The following DACH1 variants were observed in gnomAD, a reference collection of about 807,000 sequenced individuals.
The protein encoded by DACH1 is dachshund homolog 1.
Under a neutral mutation model 54.2 loss-of-function variants are expected in DACH1, and 12 were observed. The ratio of observed to expected loss-of-function variants is 0.22; its 90% CI spans 0.14 to 0.36. DACH1 has a LOEUF of 0.36. Ranked by LOEUF, DACH1 falls within the 10% of genes least tolerant of loss-of-function variation. DACH1 has a pLI of 1.00. For synonymous variants in DACH1, 386 were observed against 366.2 expected (o/e 1.05, Z -0.62); for missense variants, 805 against 929.8 (o/e 0.87, Z 1.75).
At chr13:71,519,180 A>C (rs1046358951) in intron 6 of DACH1, among the ~76,000 whole-genome samples, 2 of 151,908 alleles carry the variant, frequency 1.3e-5, no homozygotes, top group Non-Finnish European at 2.9e-5. Context: ...TAATCATTCT[A>C]AATAGTCTAG....
chr13:71,704,312 C>T (rs541293196), intron 1 of DACH1: 21 of 371,422 alleles, frequency 5.7e-5, no homozygotes, highest in East Asian at 4.7e-4. Flanking sequence ...CAAGAGAATG[C>T]GTACTGTTCA....
chr13:71,803,701 C>T (rs1459024791), intron 1 of DACH1, among the ~76,000 whole-genome samples: 1 of 152,128 alleles, frequency 6.6e-6, no homozygotes, highest in Non-Finnish European at 1.5e-5. Flanking sequence ...AGTTTTCTCA[C>T]AATTTATAAA....
intron 10 of DACH1, among the ~76,000 whole-genome samples, chr13:71,465,709 T>A (rs1876508539): frequency 6.6e-6 from 1 of 152,132 alleles, no homozygotes; most frequent in South Asian, 2.1e-4. Context: ...AAATATATTT[T>A]TCATAAATCT....
intron 3 of DACH1, among the ~76,000 whole-genome samples, chr13:71,608,432 A>G (rs1875051939): frequency 6.6e-6 from 1 of 152,020 alleles, no homozygotes; most frequent in Non-Finnish European, 1.5e-5. Flanking sequence ...AAAACCTCTG[A>G]GCTTCTGACC....
At chr13:71,679,858 C>T (rs1350406578) in intron 2 of DACH1, among the ~76,000 whole-genome samples, 1 of 149,814 alleles carries the variant, frequency 6.7e-6, no homozygotes, top group Non-Finnish European at 1.5e-5. Flanking sequence ...GGCACATGCC[C>T]GTGATCCCAC....
intron 6 of DACH1, among the ~76,000 whole-genome samples, chr13:71,556,795 T>C (rs892062284): frequency 1.3e-5 from 2 of 152,094 alleles, no homozygotes; most frequent in African/African-American, 4.8e-5. Flanking sequence ...AATGTACTGG[T>C]AACTAAATTG....
chr13:71,606,637 A>G (rs1247653424), intron 3 of DACH1, among the ~76,000 whole-genome samples: 2 of 152,030 alleles, frequency 1.3e-5, no homozygotes, highest in Non-Finnish European at 2.9e-5. Flanking sequence ...AAGCATGCCA[A>G]CACTGAATTG....
chr13:71,765,232 G>GTCATAC (rs1885570954), intron 1 of DACH1, among the ~76,000 whole-genome samples: 1 of 152,236 alleles, frequency 6.6e-6, no homozygotes, highest in South Asian at 2.1e-4. Context: ...CAGGCATTTG[G>GTCATAC]AAGACATTAA....
chr13:71,455,284 A>T (rs931695977), intron 10 of DACH1, among the ~76,000 whole-genome samples: 1 of 152,132 alleles, frequency 6.6e-6, no homozygotes, highest in Admixed American at 6.6e-5. Flanking sequence ...ATACCTCTCC[A>T]TATATAGAGA....
chr13:71,440,563 A>T lies in DACH1; in HGVS notation c.*92T>A, dbSNP rs1873925357. ...TACACAAAATTCAGGAAGTTCCCTTAAAAGGACTTTATTTTTTTCTGAACT... is the reference window on the plus strand; with the variant it reads ...TACACAAAATTCAGGAAGTTCCCTTTAAAGGACTTTATTTTTTTCTGAACT... On this transcript the variant is annotated 3_prime_UTR_variant, in exon 11 of 11. Transcript: ENST00000613252. The T allele has an allele frequency of 1.2e-5, 12 of 1,004,532 alleles. No individual in the cohort carries two copies. In the South Asian group the frequency reaches 1.6e-4, roughly 14 times the overall value. 62.2% of individuals were successfully genotyped at this position (1,004,532 alleles called of 1,614,324 possible). A position where few individuals can be genotyped will look rare whatever the true frequency, so the allele number is the denominator to read the frequency against.
chr13:71,724,442 C>T (rs1264251324), intron 1 of DACH1, among the ~76,000 whole-genome samples: 1 of 152,008 alleles, frequency 6.6e-6, no homozygotes, highest in Non-Finnish European at 1.5e-5. Context: ...CAATGCATGC[C>T]AATTTAAATC....
At chr13:71,793,060 T>C (rs1886899105) in intron 1 of DACH1, among the ~76,000 whole-genome samples, 1 of 152,178 alleles carries the variant, frequency 6.6e-6, no homozygotes, top group Non-Finnish European at 1.5e-5. Flanking sequence ...GGGAGAAGTA[T>C]CAAACATATT....
Position 71,483,826 on chromosome 13 carries a change from G to A in DACH1, c.1723-4510C>T, listed in dbSNP as rs115942041. Among the ~76,000 whole-genome samples, 605 of 152,008 alleles carry A rather than the reference G, an allele frequency of 4.0e-3. 7 individuals carry two copies. The highest frequency in any genetic ancestry group is 0.014 in the African/African-American group (580 of 41,456). On this transcript the variant is annotated intron_variant, in intron 7 of 10. Transcript: ENST00000613252. ...AAATACTTGCTATTGTGTTACAGTT[G>A]TCTACAGTATTCAATATAGTAATCT... is the stretch of plus-strand genomic sequence containing the variant.
chr13:71,450,497 A>C (rs2138114958), intron 10 of DACH1, among the ~76,000 whole-genome samples: 1 of 152,178 alleles, frequency 6.6e-6, no homozygotes. Flanking sequence ...GGGGCTCCCT[A>C]TTCCCTGAAT....
rs975201596 is a variant in DACH1 at position 71,440,614 on chromosome 13, A to G, written c.*41T>C. 36 of 1,539,896 alleles carry G rather than the reference A, an allele frequency of 2.3e-5. No individual in the cohort carries two copies. Among genetic ancestry groups the G allele is most frequent in the Non-Finnish European group, 3.2e-5 (36 of 1,132,302 alleles). On this transcript the variant is annotated 3_prime_UTR_variant, in exon 11 of 11. Coordinates refer to ENST00000613252, the MANE Select transcript of DACH1 (RefSeq NM_080759.6). ...TTCCCATGACGAATGTCTGACTGCA[A>G]AGTTCTTTTCTATAACATGGATTTC...
At chr13:71,555,151 G>C (rs1017800104) in intron 6 of DACH1, among the ~76,000 whole-genome samples, 3 of 152,050 alleles carry the variant, frequency 2.0e-5, no homozygotes, top group African/African-American at 7.2e-5. Flanking sequence ...GTTAAACTTG[G>C]TAAATAGTAT....
intron 7 of DACH1, 68 bp downstream of exon 7, chr13:71,488,929 T>A (rs906447241): frequency 2.0e-6 from 3 of 1,493,482 alleles, no homozygotes; most frequent in Admixed American, 2.0e-5. Flanking sequence ...ACAGTATAAA[T>A]TTTGGAAAAA....
At position 71,724,131 on chromosome 13, in the gene DACH1, C is replaced by T. The variant is rs369235844; in HGVS notation, c.849-42221G>A. ...CCTAAGGTAAGTAGAAAAATAAATTCGTATCTAATGGAAACTAGTTCCAAC... is the reference window on the plus strand; with the variant it reads ...CCTAAGGTAAGTAGAAAAATAAATTTGTATCTAATGGAAACTAGTTCCAAC... On this transcript the variant is annotated intron_variant, in intron 1 of 10. Coordinates refer to ENST00000613252, the MANE Select transcript of DACH1 (RefSeq NM_080759.6). Among the ~76,000 whole-genome samples the T allele has an allele frequency of 7.9e-5, 12 of 152,110 alleles. No individual in the cohort carries two copies. In the South Asian group the frequency reaches 1.0e-3, roughly 13 times the overall value.
chr13:71,595,438 G>A (rs1409434995), intron 3 of DACH1, among the ~76,000 whole-genome samples: 4 of 152,094 alleles, frequency 2.6e-5, no homozygotes, highest in African/African-American at 4.8e-5. Context: ...CAAAAAGAAG[G>A]GAGGAAGCTT....
Sources: allele counts gnomAD v4.1 joint callset (sites outside exome capture counted in the v4.1 genomes callset), GRCh38; gene constraint gnomAD v4.1.1; transcripts MANE v1.5; gene names NCBI Gene and HGNC (gene_info 2026-07-23, HGNC 2026-07-21).